Variants in ASAP2 observed in about 807,000 individuals in gnomAD.
ASAP2 encodes the protein ArfGAP with SH3 domain, ankyrin repeat and PH domain 2.
A neutral mutation model predicts 131.4 loss-of-function variants in ASAP2; 45 were observed. The observed-to-expected ratio is 0.34, with a 90% CI of 0.27 to 0.44. ASAP2 has a LOEUF of 0.44. ASAP2 is among the 20% of genes least tolerant of loss of function. The probability of loss-of-function intolerance (pLI) is 1.00; values close to 1 mark genes in which losing one functional copy is unlikely to be tolerated. For missense variants in ASAP2, 1,011 were observed against 1,297.0 expected, an observed-to-expected ratio of 0.78 and a Z score of 3.39; for synonymous variants, 510 against 503.0, an observed-to-expected ratio of 1.01 and a Z score of -0.19.
intron 11 of ASAP2, among the ~76,000 whole-genome samples, chr2:9,345,433 T>C (rs1339631295): frequency 3.3e-5 from 5 of 152,138 alleles, no homozygotes; most frequent in Non-Finnish European, 7.4e-5. Flanking sequence ...AATCTAGCTT[T>C]CAGAGGCCAG....
At chr2:9,334,600 T>G in intron 7 of ASAP2, 138 bp from the exon 8 acceptor site, 1 of 679,588 alleles carries the variant, frequency 1.5e-6, no homozygotes, top group Non-Finnish European at 2.4e-6. Context: ...CCTGATATTT[T>G]AAGGTTCTGT....
intron 1 of ASAP2, among the ~76,000 whole-genome samples, chr2:9,246,912 C>G (rs1664378427): frequency 6.6e-6 from 1 of 152,150 alleles, no homozygotes; most frequent in East Asian, 1.9e-4. Flanking sequence ...ATGATCTTGG[C>G]TCACTGCAGC....
At chr2:9,269,500 GGGACCAAGAAGAGGTAGAGGAGCC>G (rs987294772) in intron 1 of ASAP2, among the ~76,000 whole-genome samples, 1 of 152,216 alleles carries the variant, frequency 6.6e-6, no homozygotes, top group African/African-American at 2.4e-5. Context: ...GGTTCTGTGG[GGGACCAAGAAGAGGTAGAGGAGCC>G]CCCACATGGA....
intron 1 of ASAP2, among the ~76,000 whole-genome samples, chr2:9,270,879 G>A (rs1179227829): frequency 7.7e-6 from 1 of 129,148 alleles, no homozygotes; most frequent in Non-Finnish European, 1.6e-5. Flanking sequence ...TGCAAGCCCC[G>A]CCTCCCGGGT....
intron 7 of ASAP2, among the ~76,000 whole-genome samples, chr2:9,328,401 A>G (rs1251574894): frequency 6.6e-6 from 1 of 152,228 alleles, no homozygotes; most frequent in African/African-American, 2.4e-5. Context: ...AATCTGTAGT[A>G]ATTGCCAGAT....
chr2:9,365,110 A>G (rs1247833477), intron 15 of ASAP2, among the ~76,000 whole-genome samples: 1 of 152,224 alleles, frequency 6.6e-6, no homozygotes, highest in East Asian at 1.9e-4. Flanking sequence ...CATACTTTGT[A>G]AACTACATCA....
chr2:9,257,232 T>C (rs1253633677), intron 1 of ASAP2, among the ~76,000 whole-genome samples: 1 of 152,194 alleles, frequency 6.6e-6, no homozygotes, highest in East Asian at 1.9e-4. Flanking sequence ...TTTGTCCTTG[T>C]TCCTTAGGGT....
intron 1 of ASAP2, among the ~76,000 whole-genome samples, chr2:9,246,040 C>A (rs1461028112): frequency 6.6e-6 from 1 of 152,156 alleles, no homozygotes; most frequent in Non-Finnish European, 1.5e-5. Context: ...TGGTGTGACC[C>A]CGTTGGGGGA....
rs541771977 is a variant in ASAP2, at chr2:9,298,785, G to C, written c.345+1340G>C. On this transcript the variant is annotated intron_variant, in intron 3 of 27. Transcript: ENST00000281419. ...CTGCCTGCTCTCCCCGCACCTGGGT[G>C]GATAAGCCCTTTCCATGCACACAGA... Among the ~76,000 whole-genome samples, 174 of 152,334 alleles carry C rather than the reference G, an allele frequency of 1.1e-3. No individual in the cohort carries two copies. The South Asian group carries it at 0.019, about 17-fold the overall frequency.
chr2:9,337,055 G>A (rs1325371565), intron 9 of ASAP2, among the ~76,000 whole-genome samples: 3 of 152,250 alleles, frequency 2.0e-5, no homozygotes, highest in Admixed American at 1.3e-4. Context: ...AGCTTCGCAG[G>A]AAAGTAATAA....
At chr2:9,345,669 C>T (rs1225743686) in intron 11 of ASAP2, among the ~76,000 whole-genome samples, 1 of 152,096 alleles carries the variant, frequency 6.6e-6, no homozygotes, top group Non-Finnish European at 1.5e-5. Flanking sequence ...GTAGTGCATG[C>T]AAGCCAGCAG....
chr2:9,362,331 TCTC>T (rs1223694721), intron 15 of ASAP2, among the ~76,000 whole-genome samples: 6 of 152,192 alleles, frequency 3.9e-5, no homozygotes, highest in Non-Finnish European at 8.8e-5. Context: ...GAGTAGCATC[TCTC>T]CTCTTTTGGG....
chr2:9,396,372 C>T (rs6712780), intron 24 of ASAP2, among the ~76,000 whole-genome samples: 41,663 of 151,872 alleles, frequency 0.27, 10,694 homozygotes, highest in African/African-American at 0.68. Flanking sequence ...CCTCCTGGGC[C>T]CAGGTGATCC....
chr2:9,354,219 A>G (rs1224489917), intron 12 of ASAP2, among the ~76,000 whole-genome samples: 2 of 152,200 alleles, frequency 1.3e-5, no homozygotes, highest in African/African-American at 2.4e-5. Context: ...GAGGGAGTCA[A>G]TGACCTTCCA....
chr2:9,315,572 G>T (rs1669607332), intron 3 of ASAP2, among the ~76,000 whole-genome samples: 1 of 152,090 alleles, frequency 6.6e-6, no homozygotes, highest in African/African-American at 2.4e-5. Context: ...GCATACTTGG[G>T]GCTGCCTGCA....
At chr2:9,301,256 GT>G (rs142269601) in intron 3 of ASAP2, among the ~76,000 whole-genome samples, 1,793 of 152,284 alleles carry the variant, frequency 0.012, 31 homozygotes, top group African/African-American at 0.041. Context: ...GTGAAAGAAT[GT>G]TTATAAAGCA....
intron 1 of ASAP2, among the ~76,000 whole-genome samples, chr2:9,254,236 A>AATATATATATATAT (rs34570938): frequency 4.2e-5 from 2 of 47,108 alleles, no homozygotes; most frequent in African/African-American, 2.8e-4. Flanking sequence ...AAAAAAAAAA[A>AATATATATATATAT]ATATATATAT....
intron 22 of ASAP2, among the ~76,000 whole-genome samples, chr2:9,388,953 C>T (rs1675512511): frequency 1.3e-5 from 2 of 152,310 alleles, no homozygotes; most frequent in South Asian, 4.1e-4. Flanking sequence ...TGGTCCAGCT[C>T]ATGGCCCCTG....
intron 2 of ASAP2, among the ~76,000 whole-genome samples, chr2:9,290,016 A>C (rs572491920): frequency 1.1e-3 from 175 of 152,222 alleles, no homozygotes; most frequent in African/African-American, 3.9e-3. Context: ...CCAGTTGCTC[A>C]TCCTGCACGG....
Sources: allele counts gnomAD v4.1 joint callset (sites outside exome capture counted in the v4.1 genomes callset), GRCh38; gene constraint gnomAD v4.1.1; transcripts MANE v1.5; gene names NCBI Gene and HGNC (gene_info 2026-07-23, HGNC 2026-07-21).